Variants in FNBP4 observed in about 807,000 individuals in gnomAD.
FNBP4 encodes formin-binding protein 4.
Under a neutral mutation model 119.3 loss-of-function variants are expected in FNBP4, and 34 were observed. That is an observed-to-expected ratio of 0.28 (90% CI 0.22 to 0.38). The LOEUF (loss-of-function observed/expected upper bound fraction) is 0.38, where lower values mean the gene tolerates loss of function less well. FNBP4 is among the 10% of genes least tolerant of loss of function. FNBP4 has a pLI of 1.00. For missense variants in FNBP4, 1,112 were observed against 1,228.9 expected (o/e 0.90, Z 1.42); for synonymous variants, 462 against 430.6 (o/e 1.07, Z -0.90).
chr11:47,753,689 A>T (rs1366940376), intron 3 of FNBP4, among the ~76,000 whole-genome samples: 2 of 151,968 alleles, frequency 1.3e-5, no homozygotes, highest in Non-Finnish European at 2.9e-5. Flanking sequence ...CCAGCTACTC[A>T]AGAGGCTGAG....
chr11:47,748,432 T>C (rs1396127059), intron 6 of FNBP4, among the ~76,000 whole-genome samples: 1 of 151,754 alleles, frequency 6.6e-6, no homozygotes, highest in Non-Finnish European at 1.5e-5. Context: ...CTGTCCAGGC[T>C]GGAACACACT....
chr11:47,720,756 C>T (rs1599154169), intron 15 of FNBP4, among the ~76,000 whole-genome samples: 2 of 146,582 alleles, frequency 1.4e-5, no homozygotes, highest in South Asian at 2.1e-4. Context: ...AGTGTTCCTC[C>T]CAAGTGATTT....
At position 47,732,151 on chromosome 11, in the gene FNBP4, C is replaced by G; in HGVS notation, c.1820+386G>C. 9.9e-7 allele frequency: 1 copy of G among 1,011,632 alleles called. No homozygotes were observed. The highest frequency in any genetic ancestry group is 1.7e-5 in the African/African-American group (1 of 58,394). 62.7% of individuals were successfully genotyped at this position (1,011,632 alleles called of 1,614,324 possible). A position where few individuals can be genotyped will look rare whatever the true frequency, so the allele number is the denominator to read the frequency against. On this transcript the variant is annotated intron_variant, in intron 11 of 16. Transcript: ENST00000263773. This position sits in a 1 kb window ranked among gnomAD's most constrained non-coding sequence, Gnocchi z 4.2. ...GAGGATAGTAATCTTGTTCTTCATT[C>G]ACATCTTCAGCCACGAAGTTTTCCT...
intron 12 of FNBP4, among the ~76,000 whole-genome samples, chr11:47,730,428 G>A (rs1261378826): frequency 1.3e-5 from 2 of 152,152 alleles, no homozygotes; most frequent in African/African-American, 4.8e-5. Context: ...TATTTAAGAA[G>A]TTAACAAAAT....
chr11:47,754,699 CAAT>C (rs761298641), intron 2 of FNBP4, 35 bp from the exon 3 acceptor site: 223 of 1,606,620 alleles, frequency 1.4e-4, no homozygotes, highest in South Asian at 1.9e-4. Context: ...TTTGTAACAA[CAAT>C]GTCAATATGT....
At chr11:47,754,845 A>G (rs991302953) in intron 2 of FNBP4, among the ~76,000 whole-genome samples, 181 bp from the exon 3 acceptor site, 3 of 152,168 alleles carry the variant, frequency 2.0e-5, no homozygotes, top group Admixed American at 1.3e-4. Flanking sequence ...TAAAGCTAAT[A>G]AAAATTGATC....
intron 8 of FNBP4, 134 bp downstream of exon 8, chr11:47,743,819 C>G: frequency 1.3e-6 from 1 of 783,628 alleles, no homozygotes; most frequent in South Asian, 1.8e-5. Flanking sequence ...TGGATGGAAG[C>G]TTCCTTCCCA....
chr11:47,759,085 A>G (rs1038258169), intron 2 of FNBP4, among the ~76,000 whole-genome samples: 2 of 151,758 alleles, frequency 1.3e-5, no homozygotes, highest in Non-Finnish European at 2.9e-5. Flanking sequence ...ACGACCTGCT[A>G]ATTTTCGTAC....
chr11:47,745,910 A>T, intron 7 of FNBP4, 146 bp downstream of exon 7: 1 of 664,632 alleles, frequency 1.5e-6, no homozygotes, highest in Non-Finnish European at 2.4e-6. Context: ...TCTGTAGTTT[A>T]AAGTTTTTGC....
intron 1 of FNBP4, among the ~76,000 whole-genome samples, chr11:47,766,743 C>G (rs547830993): frequency 1.8e-4 from 28 of 152,284 alleles, no homozygotes; most frequent in Admixed American, 1.8e-3. Context: ...GGAAACTCAT[C>G]CTCACATCCA....
chr11:47,746,835 AGTAT>A (rs1386292015), intron 6 of FNBP4, among the ~76,000 whole-genome samples: 2 of 152,094 alleles, frequency 1.3e-5, no homozygotes, highest in African/African-American at 4.8e-5. Flanking sequence ...CCAACAGGTG[AGTAT>A]ATATTTATAC....
intron 2 of FNBP4, among the ~76,000 whole-genome samples, chr11:47,764,519 T>G (rs1398362979): frequency 6.6e-6 from 1 of 151,884 alleles, no homozygotes; most frequent in Admixed American, 6.6e-5. Context: ...CTGGGGTGTT[T>G]TGTTTGTTTT....
chr11:47,747,705 T>C (rs987245799), intron 6 of FNBP4, among the ~76,000 whole-genome samples: 7 of 152,090 alleles, frequency 4.6e-5, no homozygotes, highest in Non-Finnish European at 8.8e-5. Context: ...ATTCCAGCAC[T>C]TTGGGAGGCC....
chr11:47,754,132 C>T (rs7105517), intron 3 of FNBP4, among the ~76,000 whole-genome samples: 2 of 151,666 alleles, frequency 1.3e-5, no homozygotes, highest in Non-Finnish European at 2.9e-5. Flanking sequence ...CTACTTGAAC[C>T]CAGGAGACAG....
At chr11:47,756,689 T>A (rs528241048) in intron 2 of FNBP4, among the ~76,000 whole-genome samples, 1 of 146,378 alleles carries the variant, frequency 6.8e-6, no homozygotes, top group Non-Finnish European at 1.5e-5. Flanking sequence ...ATGCTATCCC[T>A]CCCCCACCCC....
intron 1 of FNBP4, among the ~76,000 whole-genome samples, chr11:47,766,384 G>A (rs1256945781): frequency 6.6e-6 from 1 of 152,172 alleles, no homozygotes; most frequent in Non-Finnish European, 1.5e-5. Flanking sequence ...AAAACAGTAA[G>A]TATTCTCCAG....
At chr11:47,765,851 C>CTTTTTTTTTTTTTTTTTTTT (rs1167976570) in intron 1 of FNBP4, among the ~76,000 whole-genome samples, 1 of 82,170 alleles carries the variant, frequency 1.2e-5, no homozygotes, top group Non-Finnish European at 2.2e-5. Flanking sequence ...GAGCTGGAAT[C>CTTTTTTTTTTTTTTTTTTTT]TTTTTTTTTT....
intron 8 of FNBP4, among the ~76,000 whole-genome samples, chr11:47,738,807 A>G (rs564705333): frequency 2.5e-3 from 366 of 147,868 alleles, no homozygotes; most frequent in Middle Eastern, 0.015. Flanking sequence ...CAGCCTTCCA[A>G]GTAGCTGGGG....
chr11:47,741,427 C>T (rs781674027), intron 8 of FNBP4, among the ~76,000 whole-genome samples: 1 of 151,678 alleles, frequency 6.6e-6, no homozygotes, highest in Non-Finnish European at 1.5e-5. Flanking sequence ...CTTTGCCCTC[C>T]GAAAGTAAAT....
Sources: gnomAD v4.1 joint callset for allele counts (sites outside exome capture counted in the v4.1 genomes callset) on GRCh38, gnomAD v4.1.1 for gene constraint, Gnocchi (gnomAD v3.1) non-coding constraint, MANE v1.5 for transcripts, NCBI Gene and HGNC (gene_info 2026-07-23, HGNC 2026-07-21) for gene names.